Variants in NKAIN2 observed in about 807,000 individuals in gnomAD.
NKAIN2 encodes the protein sodium/potassium-transporting ATPase subunit beta-1-interacting protein 2.
A neutral mutation model predicts 32.6 loss-of-function variants in NKAIN2; 14 were observed. That is an observed-to-expected ratio of 0.43 (90% CI 0.28 to 0.67). The LOEUF (loss-of-function observed/expected upper bound fraction) is 0.67, where lower values mean the gene tolerates loss of function less well. Among genes scored for constraint, NKAIN2 ranks in the 30% least tolerant of loss-of-function variants. The pLI is 0.17. For missense variants in NKAIN2, 198 were observed against 258.3 expected (o/e 0.77, Z 1.60); for synonymous variants, 80 against 87.2 (o/e 0.92, Z 0.46).
intron 1 of NKAIN2, among the ~76,000 whole-genome samples, chr6:124,200,675 CTCG>C (rs1304292639): frequency 6.6e-6 from 1 of 152,000 alleles, no homozygotes; most frequent in Non-Finnish European, 1.5e-5. Flanking sequence ...TAAATTGTGC[CTCG>C]TCTTTTCTCA....
chr6:124,446,033 A>G (rs1042367237), intron 3 of NKAIN2, among the ~76,000 whole-genome samples: 55 of 152,092 alleles, frequency 3.6e-4, no homozygotes, highest in African/African-American at 1.3e-3. Context: ...GTAATTCTTT[A>G]CTTATTTGCA....
intron 1 of NKAIN2, among the ~76,000 whole-genome samples, chr6:124,045,542 G>C (rs1228055892): frequency 3.9e-5 from 6 of 152,048 alleles, no homozygotes; most frequent in African/African-American, 1.4e-4. Context: ...AAAACAATTT[G>C]TGTCTGCCCT....
chr6:124,796,497 G>A (rs1780004500), intron 5 of NKAIN2, among the ~76,000 whole-genome samples: 1 of 152,118 alleles, frequency 6.6e-6, no homozygotes, highest in Admixed American at 6.5e-5. Context: ...GAAAATATCT[G>A]TGGGGCACAG....
chr6:124,137,280 T>C (rs77923634), intron 1 of NKAIN2, among the ~76,000 whole-genome samples: 4,470 of 151,998 alleles, frequency 0.029, 187 homozygotes, highest in East Asian at 0.12. Context: ...AAGTATAAAT[T>C]ACTTAGAAAT....
At chr6:123,819,430 G>A (rs1437009284) in intron 1 of NKAIN2, among the ~76,000 whole-genome samples, 1 of 152,142 alleles carries the variant, frequency 6.6e-6, no homozygotes, top group African/African-American at 2.4e-5. Context: ...TAACAAAGTT[G>A]GCTGACTTGC....
chr6:124,110,983 C>G (rs1216330331), intron 1 of NKAIN2, among the ~76,000 whole-genome samples: 1 of 151,906 alleles, frequency 6.6e-6, no homozygotes, highest in African/African-American at 2.4e-5. Flanking sequence ...TTATCCTGGG[C>G]TTTTATTTTT....
intron 3 of NKAIN2, among the ~76,000 whole-genome samples, chr6:124,403,475 G>A (rs1773715644): frequency 6.6e-6 from 1 of 152,104 alleles, no homozygotes; most frequent in South Asian, 2.1e-4. Flanking sequence ...CTGGTTAGGA[G>A]TTATTCTCCA....
chr6:124,276,316 A>ACACACG (rs927745838), intron 1 of NKAIN2, among the ~76,000 whole-genome samples: 2 of 151,868 alleles, frequency 1.3e-5, no homozygotes, highest in African/African-American at 4.8e-5. Context: ...ACACACACAC[A>ACACACG]CACACACATA....
intron 1 of NKAIN2, among the ~76,000 whole-genome samples, chr6:124,032,012 C>T (rs1018835439): frequency 2.6e-5 from 4 of 151,920 alleles, no homozygotes; most frequent in African/African-American, 9.7e-5. Context: ...TTGGAACCAA[C>T]TCAAATGTCC....
chr6:124,074,646 C>T (rs1783610436), intron 1 of NKAIN2, among the ~76,000 whole-genome samples: 1 of 152,114 alleles, frequency 6.6e-6, no homozygotes, highest in Non-Finnish European at 1.5e-5. Flanking sequence ...CTTTCAATAC[C>T]TTAATGCACT....
At chr6:123,963,595 A>G (rs1187904298) in intron 1 of NKAIN2, among the ~76,000 whole-genome samples, 2 of 152,198 alleles carry the variant, frequency 1.3e-5, no homozygotes, top group East Asian at 3.9e-4. Flanking sequence ...AAATACATTA[A>G]TACTTACACA....
chr6:123,864,620 A>G (rs775597360), intron 1 of NKAIN2, among the ~76,000 whole-genome samples: 12 of 152,218 alleles, frequency 7.9e-5, no homozygotes, highest in Admixed American at 2.0e-4. Context: ...AGCAAATCTG[A>G]ATTAAATGAG....
chr6:124,732,608 A>G (rs1776738183), intron 4 of NKAIN2, among the ~76,000 whole-genome samples: 2 of 152,102 alleles, frequency 1.3e-5, no homozygotes, highest in Non-Finnish European at 2.9e-5. Flanking sequence ...AAAAAGTAAT[A>G]ACTCAAATAA....
chr6:124,118,904 G>A (rs1029800107), intron 1 of NKAIN2, among the ~76,000 whole-genome samples: 9 of 151,946 alleles, frequency 5.9e-5, no homozygotes, highest in African/African-American at 2.2e-4. Flanking sequence ...TAAATGAATG[G>A]GTGTACCAAT....
chr6:124,785,242 G>T (rs1779447189), intron 4 of NKAIN2, among the ~76,000 whole-genome samples: 1 of 151,916 alleles, frequency 6.6e-6, no homozygotes, highest in Non-Finnish European at 1.5e-5. Flanking sequence ...TTTTCAGTTT[G>T]GTTCTTCCTT....
At chr6:124,305,660 C>T (rs568650377) in intron 2 of NKAIN2, among the ~76,000 whole-genome samples, 1 of 152,258 alleles carries the variant, frequency 6.6e-6, no homozygotes, top group Non-Finnish European at 1.5e-5. Context: ...AAGCCACAGT[C>T]GTGGCAAAAG....
rs6926207 is a variant in NKAIN2, at chr6:124,633,927, T to C, written c.274-24259T>C. 3.7e-3 allele frequency among the ~76,000 whole-genome samples: 562 copies of C among 152,072 alleles called. 4 individuals are homozygous for C. Among genetic ancestry groups the C allele is most frequent in the African/African-American group, 0.013 (532 of 41,508 alleles). On this transcript the variant is annotated intron_variant, in intron 3 of 6. Transcript: ENST00000368417. ...TTCAGCAACGCTTCCCCAGCAAAGA[T>C]ATGCCACAGCCTCCACAAACAGCCA...
chr6:124,385,745 G>A (rs958966878), intron 3 of NKAIN2, among the ~76,000 whole-genome samples: 1 of 150,540 alleles, frequency 6.6e-6, no homozygotes, highest in African/African-American at 2.5e-5. Context: ...TATCTCATGA[G>A]TAGCCAAGAT....
chr6:123,943,024 T>G (rs1289261524), intron 1 of NKAIN2, among the ~76,000 whole-genome samples: 1 of 152,078 alleles, frequency 6.6e-6, no homozygotes, highest in Non-Finnish European at 1.5e-5. Context: ...CCATGTGCAT[T>G]ACAAAACTTA....
Sources: allele counts gnomAD v4.1 joint callset (sites outside exome capture counted in the v4.1 genomes callset), GRCh38; gene constraint gnomAD v4.1.1; transcripts MANE v1.5; gene names NCBI Gene and HGNC (gene_info 2026-07-23, HGNC 2026-07-21).